The following TRIM5 variants were observed in gnomAD, a reference collection of about 807,000 sequenced individuals.
TRIM5 encodes tripartite motif containing 5, also known as tripartite motif-containing protein 5.
In TRIM5, 31 loss-of-function variants were observed where a neutral mutation model predicts 35.6. The observed-to-expected ratio is 0.87, with a 90% CI of 0.65 to 1.18. TRIM5 has a LOEUF of 1.18. Among genes scored for constraint, TRIM5 ranks in the 50% most tolerant of loss-of-function variants. TRIM5 has a pLI of 0.00. For synonymous variants in TRIM5, 243 were observed against 215.6 expected (o/e 1.13, Z -1.11); for missense variants, 609 against 591.6 (o/e 1.03, Z -0.31).
At chr11:5,622,289 C>CA in the TRIM5 span, among the ~76,000 whole-genome samples, 3 of 151,914 alleles carry the variant, frequency 2.0e-5, no homozygotes, top group Admixed American at 6.6e-5. Context: ...ATTAAAAATA[C>CA]AAAAAATTAG....
chr11:5,643,855 G>C, the TRIM5 span: 28 of 1,042,038 alleles, frequency 2.7e-5, no homozygotes, highest in Non-Finnish European at 3.3e-5. Context: ...TATTTGGCTT[G>C]AGTTATGAGA....
chr11:5,632,598 C>T, the TRIM5 span: 3 of 1,613,522 alleles, frequency 1.9e-6, no homozygotes, highest in African/African-American at 1.3e-5. Context: ...TGAGCCCAGA[C>T]AATGGGAAGA....
At chr11:5,616,807 T>G in the TRIM5 span, among the ~76,000 whole-genome samples, 1 of 141,434 alleles carries the variant, frequency 7.1e-6, no homozygotes, top group African/African-American at 2.6e-5. Context: ...TGGCACGATC[T>G]CGGCTCACTG....
In TRIM5 at chr11:5,679,842, G is replaced by A. The variant is rs536510027; in HGVS notation, c.336C>T (p.Val112=). 139 of 1,613,460 alleles carry A rather than the reference G, an allele frequency of 8.6e-5. 1 individual carries two copies. In the South Asian group the frequency reaches 1.5e-3, roughly 17 times the overall value. The change falls in exon 2 of 8, where the codon GTC becomes GTT. Residue 112 remains valine, a synonymous_variant. Coordinates refer to ENST00000380034, the MANE Select transcript of TRIM5 (RefSeq NM_033034.3). ...GAGACCGCTCACAAAGCCAGCAAAT[G>A]ACCTTCCCGTCCTCCTGACAGAAGA... is the stretch of plus-strand genomic sequence containing the variant. ...LLLFCQEDGK[V]ICWLCERSQE...
the TRIM5 span, among the ~76,000 whole-genome samples, chr11:5,600,690 C>T: frequency 4.5e-5 from 4 of 88,650 alleles, no homozygotes; most frequent in South Asian, 3.6e-4. Context: ...GAGGCCCACA[C>T]GGACTGTTTT....
downstream of TRIM5, among the ~76,000 whole-genome samples, chr11:5,662,779 C>G (rs576407307): frequency 6.6e-6 from 1 of 152,138 alleles, no homozygotes; most frequent in Non-Finnish European, 1.5e-5. Flanking sequence ...AGAACTATTA[C>G]ATATTGTTAA....
intron 1 of TRIM5, among the ~76,000 whole-genome samples, 195 bp downstream of exon 1, chr11:5,684,673 G>C (rs1852877500): frequency 6.6e-6 from 1 of 152,184 alleles, no homozygotes; most frequent in South Asian, 2.1e-4. Flanking sequence ...GTAGGGAGGG[G>C]ATGGGGAGAG....
chr11:5,680,174 C>T lies in TRIM5; in HGVS notation c.4G>A (p.Ala2Thr). The stretch of plus-strand genomic sequence containing the variant: ...TTTACATTAACCAGGATTCCAGAAG[C>T]CATAGTAGCTATTCCACTGCTCCTG... M[A>T]SGILVNVKEE... Residue 2 changes from alanine (A) to threonine (T), a missense_variant, in exon 2 of 8, where the codon GCT becomes ACT. Coordinates refer to ENST00000380034, the MANE Select transcript of TRIM5 (RefSeq NM_033034.3). 2 of 1,601,424 alleles carry T rather than the reference C, an allele frequency of 1.2e-6. No homozygotes were observed. Among genetic ancestry groups the T allele is most frequent in the Non-Finnish European group, 1.7e-6 (2 of 1,173,004 alleles).
At chr11:5,653,240 C>T in the TRIM5 span, among the ~76,000 whole-genome samples, 1 of 152,100 alleles carries the variant, frequency 6.6e-6, no homozygotes, top group Non-Finnish European at 1.5e-5. Flanking sequence ...GTATTTTCTT[C>T]TTTTTGTGGC....
the TRIM5 span, chr11:5,605,406 G>A: frequency 4.5e-5 from 73 of 1,614,082 alleles, no homozygotes; most frequent in Non-Finnish European, 6.2e-5. Flanking sequence ...CCTAGACAGA[G>A]TGGAGCAACG....
In TRIM5 at chr11:5,666,032, T is replaced by C. The variant is rs756393611; in HGVS notation, c.817A>G (p.Arg273Gly). Residue 273 changes from arginine to glycine, a missense_variant, in exon 6 of 8, where the codon AGG becomes GGG. Coordinates refer to ENST00000380034, the MANE Select transcript of TRIM5 (RefSeq NM_033034.3). ...AGATCAGGAGCTCGAAACACTCTCC[T>C]TTGATTTTTTGGAAAAGTTTCTGGC... is the stretch of plus-strand genomic sequence containing the variant. The part of the protein sequence containing the change: ...KKPETFPKNQ[R>G]RVFRAPDLKG... 1 of 1,613,796 alleles carries C rather than the reference T, an allele frequency of 6.2e-7. No homozygotes were observed. The highest frequency in any genetic ancestry group is 8.5e-7 in the Non-Finnish European group (1 of 1,179,976).
chr11:5,650,649 G>A, the TRIM5 span, among the ~76,000 whole-genome samples: 1 of 152,156 alleles, frequency 6.6e-6, no homozygotes, highest in African/African-American at 2.4e-5. Context: ...GCCTGCTTAT[G>A]GCCACTCATG....
chr11:5,656,574 G>A, the TRIM5 span, among the ~76,000 whole-genome samples: 6 of 152,010 alleles, frequency 3.9e-5, no homozygotes, highest in Admixed American at 2.0e-4. Context: ...GGCTGGTCTC[G>A]AACTCCCAAC....
intron 5 of TRIM5, among the ~76,000 whole-genome samples, chr11:5,666,825 T>C (rs1180814855): frequency 6.6e-6 from 1 of 152,248 alleles, no homozygotes; most frequent in African/African-American, 2.4e-5. Context: ...GATCAATTCT[T>C]TGTACCATGA....
the TRIM5 span, chr11:5,641,207 G>A: frequency 2.5e-6 from 4 of 1,613,768 alleles, no homozygotes; most frequent in East Asian, 4.5e-5. Context: ...TGGGTGGCCA[G>A]GAGTGGTGCT....
downstream of TRIM5, among the ~76,000 whole-genome samples, chr11:5,661,823 A>G (rs929927205): frequency 2.0e-5 from 3 of 152,220 alleles, no homozygotes; most frequent in Non-Finnish European, 4.4e-5. Flanking sequence ...TACTAGGGCC[A>G]GGAGCATCTG....
At chr11:5,608,320 A>G in the TRIM5 span, 7 of 1,609,606 alleles carry the variant, frequency 4.3e-6, no homozygotes, top group Admixed American at 1.0e-4. Context: ...AGAAATGTGG[A>G]TAAGGGCATG....
the TRIM5 span, chr11:5,632,792 G>T: frequency 6.7e-7 from 1 of 1,482,038 alleles, no homozygotes; most frequent in South Asian, 1.4e-5. Flanking sequence ...GCAGAAGATG[G>T]TAGTTGGTGG....
the TRIM5 span, chr11:5,632,263 G>C: frequency 1.1e-5 from 17 of 1,605,022 alleles, no homozygotes; most frequent in Admixed American, 1.7e-5. Flanking sequence ...AGCCATCCAG[G>C]GGTCTTTAAC....
Sources: allele counts gnomAD v4.1 joint callset (sites outside exome capture counted in the v4.1 genomes callset), GRCh38; gene constraint gnomAD v4.1.1; transcripts MANE v1.5; gene names NCBI Gene and HGNC (gene_info 2026-07-23, HGNC 2026-07-21).